CEP128: variants seen among roughly 807,000 people sequenced by gnomAD.
The protein encoded by CEP128 is centrosomal protein 128kDa.
Under a neutral mutation model 156.7 loss-of-function variants are expected in CEP128, and 132 were observed. That is an observed-to-expected ratio of 0.84 (90% CI 0.73 to 0.97). The LOEUF (loss-of-function observed/expected upper bound fraction) is 0.97, where lower values mean the gene tolerates loss of function less well. Ranked by LOEUF, CEP128 falls within the 50% of genes least tolerant of loss-of-function variation. CEP128 has a pLI of 0.00. For missense variants in CEP128, 1,252 were observed against 1,281.9 expected (o/e 0.98, Z 0.36); for synonymous variants, 469 against 448.9 (o/e 1.04, Z -0.57).
rs1412444470 is a variant in CEP128 at position 80,895,741 on chromosome 14, T to C, written c.622A>G (p.Asn208Asp). 2.5e-6 allele frequency: 4 copies of C among 1,576,698 alleles called. No individual in the cohort carries two copies. The highest frequency in any genetic ancestry group is 3.4e-6 in the Non-Finnish European group (4 of 1,160,328). The change falls in exon 8 of 25, where the codon AAT (asparagine) becomes GAT (aspartate). Residue 208 changes from asparagine (N) to aspartate (D), a missense_variant. Physicochemically the swap from Asn to Asp is conservative, Grantham distance 23. Coordinates refer to ENST00000555265, the MANE Select transcript of CEP128 (RefSeq NM_152446.5). ...RALEELTEKL[N>D]EAQKQEVVSD... ...ACCACTTCTTGTTTCTGGGCTTCATTAAGTTTTTCAGTCAATTCTTCCAAA... is the reference window on the plus strand; with the variant it reads ...ACCACTTCTTGTTTCTGGGCTTCATCAAGTTTTTCAGTCAATTCTTCCAAA...
intron 21 of CEP128, among the ~76,000 whole-genome samples, chr14:80,540,205 C>CCCA (rs1555372598): frequency 2.0e-5 from 3 of 150,518 alleles, no homozygotes; most frequent in Non-Finnish European, 3.0e-5. Flanking sequence ...ACACCCCCCC[C>CCCA]CCTTTTGAAA....
chr14:80,527,429 TAAA>T (rs368392939), intron 22 of CEP128, among the ~76,000 whole-genome samples: 4 of 126,192 alleles, frequency 3.2e-5, no homozygotes, highest in Non-Finnish European at 3.4e-5. Flanking sequence ...AGGCTCTGTC[TAAA>T]AAAAAAAAAA....
intron 11 of CEP128, 133 bp from the exon 12 acceptor site, chr14:80,836,470 T>C (rs948610894): frequency 5.6e-6 from 5 of 886,876 alleles, no homozygotes; most frequent in East Asian, 2.5e-5. Context: ...TCCTGCTCCA[T>C]TTCCTCATTC....
chr14:80,758,053 C>T (rs1458408895), intron 17 of CEP128, among the ~76,000 whole-genome samples: 1 of 152,278 alleles, frequency 6.6e-6, no homozygotes, highest in South Asian at 2.1e-4. Context: ...TTAGAATACA[C>T]TTTTATTATT....
At chr14:80,945,588 G>A (rs1274429294), upstream of CEP128, 1 of 152,200 alleles carries the variant, frequency 6.6e-6, no homozygotes, top group Non-Finnish European at 1.5e-5. Context: ...TAGACAAGGA[G>A]TAGAGAGACA....
At chr14:80,684,789 C>T (rs1270864376) in intron 19 of CEP128, among the ~76,000 whole-genome samples, 1 of 150,548 alleles carries the variant, frequency 6.6e-6, no homozygotes, top group Non-Finnish European at 1.5e-5. Context: ...ATACAAGGTT[C>T]GTTCAACATA....
Position 80,914,481 on chromosome 14 carries a change from A to C in CEP128, c.148-73T>G, listed in dbSNP as rs1233375896. ...TCCTAATCAATCTTAGTAGTATGTC[A>C]ATCAACTAAGTCAACAGTTTGTAAA... On this transcript the variant is annotated intron_variant, in intron 3 of 24. Transcript: ENST00000555265. The C allele has an allele frequency of 2.0e-5, 22 of 1,087,896 alleles. No homozygotes were observed. The Admixed American group carries it at 3.8e-4, about 19-fold the overall frequency. The allele number at this position is 1,087,896 out of a possible 1,614,324, so 67.4% of individuals were successfully genotyped here. A position where few individuals can be genotyped will look rare whatever the true frequency, so the allele number is the denominator to read the frequency against.
At position 80,900,016 on chromosome 14, in the gene CEP128, T is replaced by C. The variant is rs1396420664; in HGVS notation, c.494A>G (p.His165Arg). Reference sequence around the variant, plus strand: ...ACTGCTGAGGTCTCGAAGAGACTGATGAAAACCATGAAGCTAGCAAAGGCA... The same window carrying C: ...ACTGCTGAGGTCTCGAAGAGACTGACGAAAACCATGAAGCTAGCAAAGGCA... ...TDDMTQLHGF[H>R]QSLRDLSSEQ... Residue 165 changes from histidine (H) to arginine (R), a missense_variant, in exon 7 of 25, where the codon CAT becomes CGT. Transcript: ENST00000555265. 1.9e-6 allele frequency: 3 copies of C among 1,611,344 alleles called. No individual in the cohort carries two copies. Among genetic ancestry groups the C allele is most frequent in the Non-Finnish European group, 2.5e-6 (3 of 1,178,156 alleles).
At chr14:80,712,599 G>A (rs761000089) in intron 19 of CEP128, among the ~76,000 whole-genome samples, 1 of 152,114 alleles carries the variant, frequency 6.6e-6, no homozygotes, top group African/African-American at 2.4e-5. Context: ...GTTTAGAAAA[G>A]AGAGACTGTG....
At chr14:80,560,260 T>C (rs1006690312) in intron 20 of CEP128, among the ~76,000 whole-genome samples, 1 of 152,120 alleles carries the variant, frequency 6.6e-6, no homozygotes, top group East Asian at 1.9e-4. Context: ...ACACTGTCTC[T>C]ACTAAAAATT....
chr14:80,496,366 C>G (rs1887495428), downstream of CEP128: 1 of 152,470 alleles, frequency 6.6e-6, no homozygotes, highest in South Asian at 2.1e-4. Flanking sequence ...CCATTTTTTT[C>G]TTCAGTACCA....
chr14:80,845,422 C>T (rs1190083615), intron 9 of CEP128, among the ~76,000 whole-genome samples: 3 of 152,090 alleles, frequency 2.0e-5, no homozygotes, highest in Non-Finnish European at 4.4e-5. Flanking sequence ...AAAACAAATG[C>T]TCCTAGTAGA....
At chr14:80,934,813 A>G (rs1885690294) in intron 2 of CEP128, among the ~76,000 whole-genome samples, 1 of 149,846 alleles carries the variant, frequency 6.7e-6, no homozygotes. Context: ...AAGACAAAAA[A>G]GAATATTTGT....
At chr14:80,895,653 A>C (rs1210459197) in intron 8 of CEP128, 65 bp downstream of exon 8, 2 of 1,185,904 alleles carry the variant, frequency 1.7e-6, no homozygotes, top group East Asian at 5.1e-5. Flanking sequence ...CTTCACTGTG[A>C]TTATGACCAG....
At chr14:80,543,071 T>C (rs1177644913) in intron 21 of CEP128, among the ~76,000 whole-genome samples, 1 of 152,228 alleles carries the variant, frequency 6.6e-6, no homozygotes, top group Non-Finnish European at 1.5e-5. Context: ...TGGATGAATT[T>C]CTTGTGACAG....
intron 19 of CEP128, among the ~76,000 whole-genome samples, chr14:80,655,859 G>A (rs1342968689): frequency 2.6e-5 from 4 of 152,116 alleles, no homozygotes; most frequent in African/African-American, 7.2e-5. Context: ...TGAGTTACAC[G>A]AGCCAAAGGA....
At chr14:80,612,558 T>TTTGTTATTTGAGAGTA (rs1379846669) in intron 19 of CEP128, among the ~76,000 whole-genome samples, 2 of 152,198 alleles carry the variant, frequency 1.3e-5, no homozygotes, top group Non-Finnish European at 2.9e-5. Flanking sequence ...CAAAGGATAA[T>TTTGTTATTTGAGAGTA]CACATTATTT....
chr14:80,801,910 C>CAAAAAAAAAA lies in CEP128; in HGVS notation c.1210-8810_1210-8801dup, dbSNP rs71103882. ...GTGACAGTGTGAGACTCTGTCTCCCCAAAAAAAAAAAAAAAAAAAAAAAAA... is the reference window on the plus strand; with the variant it reads ...GTGACAGTGTGAGACTCTGTCTCCCCAAAAAAAAAAAAAAAAAAAAAAAAAAAAAAAAAAA... On this transcript the variant is annotated intron_variant, in intron 13 of 24. Coordinates refer to ENST00000555265, the MANE Select transcript of CEP128 (RefSeq NM_152446.5). Among the ~76,000 whole-genome samples the CAAAAAAAAAA allele has an allele frequency of 1.6e-3, 68 of 43,382 alleles. 32 individuals carry two copies. The highest frequency in any genetic ancestry group is 4.7e-3 in the African/African-American group (41 of 8,786). The allele number at this position is 43,382 out of a possible 152,430, so 28.5% of individuals were successfully genotyped here.
intron 21 of CEP128, among the ~76,000 whole-genome samples, chr14:80,553,794 G>A (rs1319561428): frequency 6.6e-6 from 1 of 152,116 alleles, no homozygotes; most frequent in African/African-American, 2.4e-5. Context: ...GCTAAACTCT[G>A]TATTTTTTCA....
Sources: allele counts gnomAD v4.1 joint callset (sites outside exome capture counted in the v4.1 genomes callset), GRCh38; gene constraint gnomAD v4.1.1; transcripts MANE v1.5; gene names NCBI Gene and HGNC (gene_info 2026-07-23, HGNC 2026-07-21).